The following DPP6 variants were observed in gnomAD, a reference collection of about 807,000 sequenced individuals.
DPP6 encodes A-type potassium channel modulatory protein DPP6.
DPP6 carries 69 observed loss-of-function variants against 122.6 expected under a neutral mutation model. The ratio of observed to expected loss-of-function variants is 0.56; its 90% confidence interval spans 0.46 to 0.69. The LOEUF (loss-of-function observed/expected upper bound fraction) is 0.69, where lower values mean the gene tolerates loss of function less well. Ranked by LOEUF, DPP6 falls within the 30% of genes least tolerant of loss-of-function variation. The pLI is 0.00. For synonymous variants in DPP6, 418 were observed against 433.1 expected (o/e 0.97, Z 0.43); for missense variants, 928 against 1,116.9 (o/e 0.83, Z 2.41).
At chr7:154,823,095 T>C (rs1188620257) in intron 16 of DPP6, among the ~76,000 whole-genome samples, 1 of 152,252 alleles carries the variant, frequency 6.6e-6, no homozygotes, top group Non-Finnish European at 1.5e-5. Flanking sequence ...ATGCCATTTT[T>C]AGGTTACAAT....
the DPP6 span, among the ~76,000 whole-genome samples, chr7:153,870,034 G>A: frequency 1.1e-3 from 171 of 152,264 alleles, no homozygotes; most frequent in African/African-American, 3.9e-3. Flanking sequence ...TTAGTCTGAT[G>A]GGCTTCCCTT....
chr7:153,829,033 ATGGTTG>A, the DPP6 span, among the ~76,000 whole-genome samples: 3 of 152,132 alleles, frequency 2.0e-5, no homozygotes, highest in Non-Finnish European at 4.4e-5. Flanking sequence ...CAGATACATC[ATGGTTG>A]TGCATTTGTC....
chr7:154,815,405 G>A (rs1016017148), intron 16 of DPP6, among the ~76,000 whole-genome samples: 13 of 152,226 alleles, frequency 8.5e-5, no homozygotes, highest in Non-Finnish European at 8.8e-5. Context: ...AACCGCCAGA[G>A]CCACTGAACA....
At chr7:154,498,119 G>A (rs796705456) in intron 3 of DPP6, among the ~76,000 whole-genome samples, 6 of 152,326 alleles carry the variant, frequency 3.9e-5, no homozygotes, top group African/African-American at 1.4e-4. Flanking sequence ...AACTGACATG[G>A]TGCTTACATG....
chr7:154,335,392 C>T (rs1006218037), intron 1 of DPP6, among the ~76,000 whole-genome samples: 20 of 152,200 alleles, frequency 1.3e-4, no homozygotes, highest in African/African-American at 4.8e-4. Flanking sequence ...AAATACCTAA[C>T]AAATATTGAT....
intron 1 of DPP6, among the ~76,000 whole-genome samples, chr7:153,996,799 T>C (rs1563085874): frequency 6.6e-6 from 1 of 152,178 alleles, no homozygotes; most frequent in Non-Finnish European, 1.5e-5. Context: ...ATTAATAAGA[T>C]AGATATTCAG....
chr7:154,629,030 A>C (rs1563033420), intron 5 of DPP6, among the ~76,000 whole-genome samples: 1 of 152,198 alleles, frequency 6.6e-6, no homozygotes, highest in Non-Finnish European at 1.5e-5. Flanking sequence ...CAGAGTAAAA[A>C]AAGGAATATG....
intron 1 of DPP6, among the ~76,000 whole-genome samples, chr7:154,380,646 C>T (rs535955813): frequency 7.2e-5 from 11 of 152,304 alleles, no homozygotes; most frequent in African/African-American, 2.6e-4. Flanking sequence ...GGGGTGCAGA[C>T]GGGGGACATC....
At chr7:153,764,151 G>T in the DPP6 span, among the ~76,000 whole-genome samples, 8 of 152,122 alleles carry the variant, frequency 5.3e-5, no homozygotes, top group Non-Finnish European at 1.2e-4. Context: ...AAAATGCCCG[G>T]CCTAGTCTAA....
intron 16 of DPP6, among the ~76,000 whole-genome samples, chr7:154,846,362 T>C (rs1228270392): frequency 6.6e-6 from 1 of 152,168 alleles, no homozygotes; most frequent in Non-Finnish European, 1.5e-5. Flanking sequence ...GAGCTCAGCC[T>C]GTTCCAGATG....
At position 154,618,887 on chromosome 7, in the gene DPP6, C is replaced by T. The variant is rs1834445102; in HGVS notation, c.628-18934C>T. 6.6e-6 allele frequency among the ~76,000 whole-genome samples: 1 copy of T among 152,206 alleles called. No individual in the cohort carries two copies. Among genetic ancestry groups the T allele is most frequent in the African/African-American group, 2.4e-5 (1 of 41,448 alleles). Reference sequence around the variant, plus strand: ...AGCTGTGTCCCCACCCAAATCTCATCTTGAATTGTAGCTCCCATTATCCCT... The same window carrying T: ...AGCTGTGTCCCCACCCAAATCTCATTTTGAATTGTAGCTCCCATTATCCCT... On this transcript the variant is annotated intron_variant, in intron 5 of 25. Coordinates refer to ENST00000377770, the MANE Select transcript of DPP6 (RefSeq NM_130797.4). The surrounding 1 kb of genome is among the most constrained non-coding windows in gnomAD (Gnocchi z 4.1).
intron 1 of DPP6, among the ~76,000 whole-genome samples, chr7:153,935,323 C>T (rs534668490): frequency 1.4e-4 from 22 of 152,202 alleles, no homozygotes; most frequent in Non-Finnish European, 2.2e-4. Context: ...GTCACCACAC[C>T]GGGCTCCTCT....
intron 1 of DPP6, among the ~76,000 whole-genome samples, chr7:154,333,020 G>C (rs1809090351): frequency 6.6e-6 from 1 of 152,148 alleles, no homozygotes; most frequent in African/African-American, 2.4e-5. Context: ...AGGAGGAAAT[G>C]CCTGTGATGG....
rs1222732507 is a variant in DPP6 at position 154,863,073 on chromosome 7, A to AT, written c.1715-4917dup. ...ATCACCATGACTGGCTAATTTTTAC[A>AT]TTTTTCTTTGGAGAGATCAGGTCTC... On this transcript the variant is annotated intron_variant, in intron 17 of 25. Transcript: ENST00000377770. This position sits in a 1 kb window ranked among gnomAD's most constrained non-coding sequence, Gnocchi z 4.1. Among the ~76,000 whole-genome samples the AT allele has an allele frequency of 2.0e-5, 3 of 150,956 alleles. No individual in the cohort carries two copies. Among genetic ancestry groups the AT allele is most frequent in the Non-Finnish European group, 4.4e-5 (3 of 67,728 alleles).
At chr7:154,718,797 G>T (rs185876940) in intron 7 of DPP6, among the ~76,000 whole-genome samples, 10 of 152,076 alleles carry the variant, frequency 6.6e-5, no homozygotes, top group Admixed American at 5.2e-4. Flanking sequence ...CCACCACCAT[G>T]CCTGGCTAAA....
At chr7:154,885,897 C>A (rs1475361868) in intron 22 of DPP6, among the ~76,000 whole-genome samples, 153 bp downstream of exon 22, 2 of 152,074 alleles carry the variant, frequency 1.3e-5, no homozygotes, top group Non-Finnish European at 2.9e-5. Context: ...GATGGAAGAA[C>A]CCGGGGAAGG....
At position 154,590,964 on chromosome 7, in the gene DPP6, T is replaced by G. The variant is rs560944046; in HGVS notation, c.627+24048T>G. The stretch of plus-strand genomic sequence containing the variant: ...AGTGTCACCCACTGGACCACAGTGA[T>G]GGGCGTGGTGAACCAAGAAGTGTGG... On this transcript the variant is annotated intron_variant, in intron 5 of 25. Coordinates refer to ENST00000377770, the MANE Select transcript of DPP6 (RefSeq NM_130797.4). 5.4e-4 allele frequency among the ~76,000 whole-genome samples: 83 copies of G among 152,330 alleles called. 1 individual carries two copies. In the East Asian group the frequency reaches 0.016, roughly 29 times the overall value.
Position 154,669,403 on chromosome 7 carries a change from C to T in DPP6, c.724C>T (p.Leu242Phe), listed in dbSNP as rs1485775449. ...LDPPEVSNAK[L>F]QYAGWGPKGQ... ...CCCACCAGAAGTCAGCAATGCAAAACTTCAGTATGCAGGATGGGGCCCTAA... is the reference window on the plus strand; with the variant it reads ...CCCACCAGAAGTCAGCAATGCAAAATTTCAGTATGCAGGATGGGGCCCTAA... The change falls in exon 7 of 26, where the codon CTT (leucine) becomes TTT (phenylalanine). Residue 242 changes from leucine (L) to phenylalanine (F), a missense_variant. Transcript: ENST00000377770. 1 of 1,556,462 alleles carries T rather than the reference C, an allele frequency of 6.4e-7. No individual in the cohort carries two copies. Among genetic ancestry groups the T allele is most frequent in the South Asian group, 1.2e-5 (1 of 84,272 alleles).
intron 1 of DPP6, among the ~76,000 whole-genome samples, chr7:154,315,139 C>T (rs1807324834): frequency 3.3e-5 from 5 of 152,114 alleles, no homozygotes; most frequent in Admixed American, 3.3e-4. Flanking sequence ...TAAAAGGAAG[C>T]AACAAATAGT....
Sources: gnomAD v4.1 joint callset for allele counts (sites outside exome capture counted in the v4.1 genomes callset) on GRCh38, gnomAD v4.1.1 for gene constraint, Gnocchi (gnomAD v3.1) non-coding constraint, MANE v1.5 for transcripts, NCBI Gene and HGNC (gene_info 2026-07-23, HGNC 2026-07-21) for gene names.